MYT1L: variants seen among roughly 807,000 people sequenced by gnomAD.
The protein encoded by MYT1L is myelin transcription factor 1 like.
MYT1L carries 12 observed loss-of-function variants against 126.7 expected under a neutral mutation model. That is an observed-to-expected ratio of 0.09 (90% confidence interval 0.06 to 0.15). The LOEUF (loss-of-function observed/expected upper bound fraction) is 0.15, where lower values mean the gene tolerates loss of function less well. Ranked by LOEUF, MYT1L falls within the 10% of genes least tolerant of loss-of-function variation. MYT1L has a pLI of 1.00. For missense variants in MYT1L, 979 were observed against 1,585.2 expected, an observed-to-expected ratio of 0.62 and a Z score of 6.49; for synonymous variants, 541 against 604.2, an observed-to-expected ratio of 0.90 and a Z score of 1.53.
At chr2:1,805,801 G>A (rs897231766) in intron 22 of MYT1L, among the ~76,000 whole-genome samples, 6 of 152,194 alleles carry the variant, frequency 3.9e-5, no homozygotes, top group Non-Finnish European at 8.8e-5. Flanking sequence ...TGGGAGGATC[G>A]CTTGACCCTG....
chr2:2,226,905 T>G (rs577096788), intron 2 of MYT1L, among the ~76,000 whole-genome samples: 15 of 152,352 alleles, frequency 9.8e-5, no homozygotes, highest in African/African-American at 3.6e-4. Context: ...CTCTTTCTAA[T>G]GTGTCTCCCT....
chr2:2,197,559 A>C (rs142108471), intron 2 of MYT1L, among the ~76,000 whole-genome samples: 1 of 152,048 alleles, frequency 6.6e-6, no homozygotes, highest in East Asian at 1.9e-4. Flanking sequence ...ACATACATAC[A>C]TGCACACACA....
intron 3 of MYT1L, among the ~76,000 whole-genome samples, chr2:2,153,378 A>T (rs2086137990): frequency 6.6e-6 from 1 of 152,230 alleles, no homozygotes. Flanking sequence ...AGATCCTGGG[A>T]AACAGATACC....
intron 4 of MYT1L, among the ~76,000 whole-genome samples, chr2:2,005,295 C>T (rs1355065274): frequency 2.2e-4 from 32 of 144,236 alleles, no homozygotes; most frequent in Non-Finnish European, 1.2e-4. Context: ...TTCCTGCAGG[C>T]GTTCTTTCCT....
intron 23 of MYT1L, among the ~76,000 whole-genome samples, chr2:1,796,681 C>T (rs1273631013): frequency 2.1e-5 from 3 of 141,718 alleles, no homozygotes; most frequent in Admixed American, 1.4e-4. Flanking sequence ...GGGCAGCATC[C>T]CAGCCTCCCA....
chr2:1,920,785 C>T (rs10185148), intron 10 of MYT1L, among the ~76,000 whole-genome samples: 7,032 of 152,252 alleles, frequency 0.046, 232 homozygotes, highest in Non-Finnish European at 0.059. Flanking sequence ...TGCTATGTTC[C>T]GTAGTCTTTA....
chr2:1,837,033 G>C (rs1352673795), intron 21 of MYT1L, among the ~76,000 whole-genome samples: 1 of 152,210 alleles, frequency 6.6e-6, no homozygotes, highest in Non-Finnish European at 1.5e-5. Context: ...CATTTGGGAA[G>C]GGGCGTCATG....
chr2:2,298,922 G>A (rs915154604), intron 1 of MYT1L, among the ~76,000 whole-genome samples: 3 of 151,990 alleles, frequency 2.0e-5, no homozygotes, highest in Non-Finnish European at 2.9e-5. Context: ...GCACGATCTC[G>A]GCTCACTGCA....
At chr2:2,258,583 G>T (rs1367825381) in intron 2 of MYT1L, among the ~76,000 whole-genome samples, 1 of 2,538 alleles carries the variant, frequency 3.9e-4, no homozygotes. Flanking sequence ...AGTGGGCAAA[G>T]GACATGAACA....
At chr2:1,817,163 G>A (rs2037789324) in intron 21 of MYT1L, 1 of 152,246 alleles carries the variant, frequency 6.6e-6, no homozygotes, top group South Asian at 2.1e-4. Flanking sequence ...ATCTATTAGG[G>A]ATCTCCCCAT....
At chr2:1,938,084 C>T (rs1035888783) in intron 9 of MYT1L, among the ~76,000 whole-genome samples, 2 of 152,220 alleles carry the variant, frequency 1.3e-5, no homozygotes, top group African/African-American at 2.4e-5. Flanking sequence ...GTGCTAAAGG[C>T]AGCTGCACAC....
intron 2 of MYT1L, among the ~76,000 whole-genome samples, chr2:2,207,645 A>G (rs1189641980): frequency 6.6e-6 from 1 of 152,220 alleles, no homozygotes; most frequent in African/African-American, 2.4e-5. Flanking sequence ...AACTGTTGAC[A>G]ATTATTCTAG....
chr2:1,842,162 G>A (rs1264762250), intron 19 of MYT1L: 1 of 152,290 alleles, frequency 6.6e-6, no homozygotes, highest in Non-Finnish European at 1.5e-5. Flanking sequence ...CCTGAGCTCG[G>A]GGATAGTTTT....
intron 13 of MYT1L, among the ~76,000 whole-genome samples, chr2:1,903,724 T>TAAGAG (rs2148963687): frequency 6.6e-6 from 1 of 152,270 alleles, no homozygotes; most frequent in South Asian, 2.1e-4. Flanking sequence ...GGTAAAGAAA[T>TAAGAG]ACTCTTAGGG....
At chr2:1,878,669 G>A (rs1300050995) in intron 18 of MYT1L, among the ~76,000 whole-genome samples, 3 of 152,160 alleles carry the variant, frequency 2.0e-5, no homozygotes, top group South Asian at 2.1e-4. Context: ...TTTCATGTGG[G>A]ACAGCACAGA....
chr2:2,215,582 G>A (rs2093653042), intron 2 of MYT1L, among the ~76,000 whole-genome samples: 1 of 152,182 alleles, frequency 6.6e-6, no homozygotes, highest in African/African-American at 2.4e-5. Context: ...TACAATTATA[G>A]TCAAGAGATT....
At chr2:1,881,904 CG>C (rs2047604229) in intron 18 of MYT1L, among the ~76,000 whole-genome samples, 1 of 152,114 alleles carries the variant, frequency 6.6e-6, no homozygotes, top group Admixed American at 6.5e-5. Context: ...AGGCATGAAG[CG>C]TGGGGAAGAT....
At chr2:1,813,887 C>T (rs1210841637) in intron 21 of MYT1L, among the ~76,000 whole-genome samples, 5 of 107,628 alleles carry the variant, frequency 4.6e-5, no homozygotes, top group East Asian at 5.4e-4. Context: ...ATTAGCCGGG[C>T]GTGGTAGCGG....
At chr2:2,123,480 A>G (rs72767388) in intron 3 of MYT1L, among the ~76,000 whole-genome samples, 6,545 of 152,236 alleles carry the variant, frequency 0.043, 210 homozygotes, top group Non-Finnish European at 0.066. Flanking sequence ...CAATTGGATC[A>G]TGGGGCCCAT....
Sources: gnomAD v4.1 joint callset for allele counts (sites outside exome capture counted in the v4.1 genomes callset) on GRCh38, gnomAD v4.1.1 for gene constraint, MANE v1.5 for transcripts, NCBI Gene and HGNC (gene_info 2026-07-23, HGNC 2026-07-21) for gene names.